Variants in OR8G1 observed in about 807,000 individuals in gnomAD.
The protein encoded by OR8G1 is olfactory receptor family 8 subfamily G member 1, also known as olfactory receptor 8G1.
For missense variants in OR8G1, 372 were observed against 356.2 expected (o/e 1.04, Z -0.36); for synonymous variants, 129 against 133.3 (o/e 0.97, Z 0.22).
intron 1 of OR8G1, among the ~76,000 whole-genome samples, chr11:124,245,270 T>C (rs1449984847): frequency 6.9e-6 from 1 of 144,114 alleles, no homozygotes; most frequent in African/African-American, 2.6e-5. Flanking sequence ...CGGTGTTTGG[T>C]TTTTTGTTCT....
chr11:124,244,063 AT>A (rs1861787482), intron 1 of OR8G1, among the ~76,000 whole-genome samples: 1 of 25,684 alleles, frequency 3.9e-5, no homozygotes, highest in South Asian at 2.0e-3. Context: ...CGAGGAAAGG[AT>A]GGAGAGGGAG....
rs1303769768 is a variant in OR8G1, at chr11:124,250,366, A to C, written c.691A>C (p.Thr231Pro). 1 of 1,613,734 alleles carries C rather than the reference A, an allele frequency of 6.2e-7. No homozygotes were observed. The highest frequency in any genetic ancestry group is 2.2e-5 in the East Asian group (1 of 44,866). The change falls in exon 3 of 3, where the codon ACT (threonine) becomes CCT (proline). Residue 231 changes from threonine to proline, a missense_variant. Coordinates refer to ENST00000641972, the MANE Select transcript of OR8G1 (RefSeq NM_001002905.2). ...IIASILHIRS[T>P]EGRSKAFSTC... ...TGCCAGCATCCTCCACATTCGCTCC[A>C]CTGAGGGCAGGTCCAAAGCCTTCAG...
At chr11:124,249,560 C>T (rs1051247392) in intron 2 of OR8G1, 100 bp from the exon 3 acceptor site, 33 of 1,196,142 alleles carry the variant, frequency 2.8e-5, no homozygotes, top group Non-Finnish European at 3.0e-5. Flanking sequence ...AAAGGGGATA[C>T]CTAAAGCATG....
chr11:124,252,546 A>G lies in OR8G1; in HGVS notation c.*1935A>G, dbSNP rs1022489024. 2 of 152,128 alleles carry G rather than the reference A, an allele frequency of 1.3e-5. No individual in the cohort carries two copies. Among genetic ancestry groups the G allele is most frequent in the Non-Finnish European group, 2.9e-5 (2 of 68,028 alleles). The allele number at this position is 152,128 out of a possible 1,614,324, so 9.4% of individuals were successfully genotyped here. ...CTTGTGGTAATTTTATGATCATTTG[A>G]ACGTCTACTCTGTACATTTCCCTTG... On this transcript the variant is annotated 3_prime_UTR_variant, in exon 3 of 3. Coordinates refer to ENST00000641972, the MANE Select transcript of OR8G1 (RefSeq NM_001002905.2).
At chr11:124,245,861 G>A (rs1861806080) in intron 1 of OR8G1, among the ~76,000 whole-genome samples, 1 of 151,334 alleles carries the variant, frequency 6.6e-6, no homozygotes, top group Non-Finnish European at 1.5e-5. Flanking sequence ...TGATGGGGTT[G>A]TTTGTTTTTT....
intron 2 of OR8G1, among the ~76,000 whole-genome samples, chr11:124,248,173 T>G (rs1331962992): frequency 6.6e-6 from 1 of 152,012 alleles, no homozygotes; most frequent in Non-Finnish European, 1.5e-5. Flanking sequence ...GTAAGGAATT[T>G]GTTCGGATAT....
intron 1 of OR8G1, among the ~76,000 whole-genome samples, chr11:124,242,355 G>A (rs12363586): frequency 0.51 from 77,618 of 151,770 alleles, 20,480 homozygotes; most frequent in South Asian, 0.7. Context: ...TGGACTCCAG[G>A]TGTAATATGA....
chr11:124,250,556 A>T lies in OR8G1; in HGVS notation c.881A>T (p.Asn294Ile). The part of the protein sequence containing the change: ...MLNPLIYSLR[N>I]KDVHVSLKKM... ...AACCCTCTGATTTATAGCCTGAGGA[A>T]TAAAGATGTCCATGTTTCCCTGAAG... is the stretch of plus-strand genomic sequence containing the variant. The change falls in exon 3 of 3, where the codon AAT becomes ATT. Residue 294 changes from asparagine to isoleucine, a missense_variant. Transcript: ENST00000641972. 9.3e-7 allele frequency: 1 copy of T among 1,075,246 alleles called. No individual in the cohort carries two copies. The highest frequency in any genetic ancestry group is 2.8e-5 in the East Asian group (1 of 35,312). 66.6% of individuals were successfully genotyped at this position (1,075,246 alleles called of 1,614,324 possible).
At position 124,252,055 on chromosome 11, in the gene OR8G1, T is replaced by G. The variant is rs375001827; in HGVS notation, c.*1444T>G. On this transcript the variant is annotated 3_prime_UTR_variant, in exon 3 of 3. Transcript: ENST00000641972. ...ATCACAGGCTCCTGGATATCGAAAC[T>G]ATAGTTTGTCCATCCTTTTAGTTGA... The G allele has an allele frequency of 6.6e-6, 1 of 152,158 alleles. No homozygotes were observed. Among genetic ancestry groups the G allele is most frequent in the African/African-American group, 2.4e-5 (1 of 41,456 alleles). 9.4% of individuals were successfully genotyped at this position (152,158 alleles called of 1,614,324 possible). A position where few individuals can be genotyped will look rare whatever the true frequency, so the allele number is the denominator to read the frequency against.
intron 1 of OR8G1, among the ~76,000 whole-genome samples, chr11:124,242,543 A>G (rs1861770881): frequency 6.7e-6 from 1 of 148,502 alleles, no homozygotes. Context: ...CCTCTGAACC[A>G]TTATGAACCT....
At chr11:124,243,225 A>G (rs1861776704) in intron 1 of OR8G1, among the ~76,000 whole-genome samples, 1 of 151,950 alleles carries the variant, frequency 6.6e-6, no homozygotes, top group Non-Finnish European at 1.5e-5. Context: ...CTACTGTCAT[A>G]TATACCCAAT....
intron 1 of OR8G1, among the ~76,000 whole-genome samples, chr11:124,247,334 G>A (rs929023170): frequency 1.3e-5 from 2 of 151,654 alleles, no homozygotes; most frequent in East Asian, 1.9e-4. Context: ...AAAAGAAATC[G>A]CTGCATAGTC....
Position 124,241,301 on chromosome 11 carries a change from C to A in OR8G1, c.-160C>A, listed in dbSNP as rs1233849344. 6.6e-6 allele frequency: 1 copy of A among 152,090 alleles called. No individual in the cohort carries two copies. Among genetic ancestry groups the A allele is most frequent in the African/African-American group, 2.4e-5 (1 of 41,422 alleles). 9.4% of individuals were successfully genotyped at this position (152,090 alleles called of 1,614,324 possible). The stretch of plus-strand genomic sequence containing the variant: ...GAAGAGAACATTCCAAGCCAACATT[C>A]TCCATGTCAGGAAGAGGAAATTGCA... On this transcript the variant is annotated 5_prime_UTR_variant, in exon 1 of 3. Transcript: ENST00000641972.
At position 124,249,855 on chromosome 11, in the gene OR8G1, C is replaced by T; in HGVS notation, c.180C>T (p.Tyr60=). 1 of 1,613,870 alleles carries T rather than the reference C, an allele frequency of 6.2e-7. No homozygotes were observed. Among genetic ancestry groups the T allele is most frequent in the Non-Finnish European group, 8.5e-7 (1 of 1,179,984 alleles). The change falls in exon 3 of 3, where the codon TAC becomes TAT. Residue 60 remains tyrosine, a synonymous_variant. Coordinates refer to ENST00000641972, the MANE Select transcript of OR8G1 (RefSeq NM_001002905.2). ...WLSSHLHTPM[Y]YFLSSLSFID... ...GTTCTCACCTGCACACCCCTATGTA[C>T]TATTTCCTCAGCAGTCTGTCCTTCA... is the stretch of plus-strand genomic sequence containing the variant.
intron 2 of OR8G1, among the ~76,000 whole-genome samples, chr11:124,248,390 G>A (rs7946063): frequency 0.51 from 77,568 of 151,504 alleles, 20,474 homozygotes; most frequent in South Asian, 0.7. Context: ...TTTGGGTTTT[G>A]TTTATGTGTG....
rs1260137297 is a variant in OR8G1 at position 124,250,964 on chromosome 11, T to A, written c.*353T>A. 1 of 114,158 alleles carries A rather than the reference T, an allele frequency of 8.8e-6. No individual in the cohort carries two copies. Among genetic ancestry groups the A allele is most frequent in the African/African-American group, 4.3e-5 (1 of 23,026 alleles). The allele number at this position is 114,158 out of a possible 1,614,324, so 7.1% of individuals were successfully genotyped here. A position where few individuals can be genotyped will look rare whatever the true frequency, so the allele number is the denominator to read the frequency against. ...CTTCCAAAAGTGATACCAATCTCCC[T>A]TATTCTGTCTTTTCAATAACAACAT... On this transcript the variant is annotated 3_prime_UTR_variant, in exon 3 of 3. Transcript: ENST00000641972.
Position 124,251,460 on chromosome 11 carries a change from G to T in OR8G1, c.*849G>T. On this transcript the variant is annotated 3_prime_UTR_variant, in exon 3 of 3. Transcript: ENST00000641972. Reference sequence around the variant, plus strand: ...AAGTTGATTAAAATTTACTTTAGAAGGTTCTTCAAGAATCTATAATATAAC... The same window carrying T: ...AAGTTGATTAAAATTTACTTTAGAATGTTCTTCAAGAATCTATAATATAAC... 2 of 790,744 alleles carry T rather than the reference G, an allele frequency of 2.5e-6. No individual in the cohort carries two copies. Among genetic ancestry groups the T allele is most frequent in the Non-Finnish European group, 3.7e-6 (2 of 538,454 alleles). 49.0% of individuals were successfully genotyped at this position (790,744 alleles called of 1,614,324 possible).
intron 1 of OR8G1, among the ~76,000 whole-genome samples, chr11:124,243,453 A>G (rs1321356381): frequency 6.6e-6 from 1 of 151,926 alleles, no homozygotes; most frequent in African/African-American, 2.4e-5. Context: ...AAACCATTCA[A>G]AAGTTGCATG....
rs541628590 is a variant in OR8G1 at position 124,252,444 on chromosome 11, A to T, written c.*1833A>T. The T allele has an allele frequency of 1.5e-3, 232 of 152,316 alleles. 1 individual carries two copies. Among genetic ancestry groups the T allele is most frequent in the African/African-American group, 5.5e-3 (229 of 41,584 alleles). 9.4% of individuals were successfully genotyped at this position (152,316 alleles called of 1,614,324 possible). The stretch of plus-strand genomic sequence containing the variant: ...CTCAGAAAACTCATCTCTGAAACTC[A>T]ATCTGCATTACTTTTCCATATCATC... On this transcript the variant is annotated 3_prime_UTR_variant, in exon 3 of 3. Coordinates refer to ENST00000641972, the MANE Select transcript of OR8G1 (RefSeq NM_001002905.2).
Sources: allele counts gnomAD v4.1 joint callset (sites outside exome capture counted in the v4.1 genomes callset), GRCh38; gene constraint gnomAD v4.1.1; transcripts MANE v1.5; gene names NCBI Gene and HGNC (gene_info 2026-07-23, HGNC 2026-07-21).